The following RGS7 variants were observed in gnomAD, a reference collection of about 807,000 sequenced individuals.
RGS7 encodes the protein regulator of G protein signaling 7.
A neutral mutation model predicts 81.1 loss-of-function variants in RGS7; 27 were observed. The ratio of observed to expected loss-of-function variants is 0.33; its 90% CI spans 0.25 to 0.46. The LOEUF (loss-of-function observed/expected upper bound fraction) is 0.46, where lower values mean the gene tolerates loss of function less well. RGS7 is among the 20% of genes least tolerant of loss of function. RGS7 has a pLI of 1.00. For synonymous variants in RGS7, 208 were observed against 207.7 expected, an observed-to-expected ratio of 1.00 and a Z score of -0.01; for missense variants, 396 against 607.4, an observed-to-expected ratio of 0.65 and a Z score of 3.66.
Position 241,071,874 on chromosome 1 carries a change from C to CAAAAAAAAAAAAAAAAA in RGS7, c.175+26775_175+26791dup, listed in dbSNP as rs58217460. Reference sequence around the variant, plus strand: ...GACAGATGACAGAGTGAGACCCTGTCAAAAAAAAAAAAAAAAAAAAACAAG... The same window carrying CAAAAAAAAAAAAAAAAA: ...GACAGATGACAGAGTGAGACCCTGTCAAAAAAAAAAAAAAAAAAAAAAAAAAAAAAAAAAAAAACAAG... On this transcript the variant is annotated intron_variant, in intron 3 of 18. Transcript: ENST00000440928. Among the ~76,000 whole-genome samples the CAAAAAAAAAAAAAAAAA allele has an allele frequency of 3.3e-3, 189 of 56,810 alleles. 5 individuals are homozygous for CAAAAAAAAAAAAAAAAA. Among genetic ancestry groups the CAAAAAAAAAAAAAAAAA allele is most frequent in the African/African-American group, 5.2e-3 (60 of 11,520 alleles). 37.3% of individuals were successfully genotyped at this position (56,810 alleles called of 152,430 possible).
intron 4 of RGS7, among the ~76,000 whole-genome samples, chr1:240,951,472 T>C (rs1679546905): frequency 6.6e-6 from 1 of 152,096 alleles, no homozygotes; most frequent in African/African-American, 2.4e-5. Context: ...AAATGAAATG[T>C]TAGAAATAAT....
At chr1:240,922,648 C>T (rs423715) in intron 6 of RGS7, among the ~76,000 whole-genome samples, 84,680 of 151,856 alleles carry the variant, frequency 0.56, 23,825 homozygotes, top group Middle Eastern at 0.67. Context: ...TATTAGAGAA[C>T]TGTAAATTTA....
chr1:241,220,446 G>A (rs960625943), intron 2 of RGS7, among the ~76,000 whole-genome samples: 3 of 152,184 alleles, frequency 2.0e-5, no homozygotes, highest in Non-Finnish European at 2.9e-5. Context: ...TAATTCTAAT[G>A]TAGAGCCAGC....
chr1:241,308,399 G>A (rs986192718), intron 2 of RGS7, among the ~76,000 whole-genome samples: 1 of 152,192 alleles, frequency 6.6e-6, no homozygotes, highest in Non-Finnish European at 1.5e-5. Flanking sequence ...AGGAAGCATG[G>A]GGGCAATTTT....
At chr1:240,876,768 C>A (rs901258474) in intron 6 of RGS7, among the ~76,000 whole-genome samples, 2 of 152,080 alleles carry the variant, frequency 1.3e-5, no homozygotes, top group African/African-American at 4.8e-5. Flanking sequence ...TAAGACCAGC[C>A]TGGATAACAT....
At chr1:241,356,011 G>C (rs2083539452) in intron 1 of RGS7, among the ~76,000 whole-genome samples, 185 bp from the exon 2 acceptor site, 1 of 152,204 alleles carries the variant, frequency 6.6e-6, no homozygotes, top group Non-Finnish European at 1.5e-5. Flanking sequence ...GGAATTGTAA[G>C]AAATTACAAT....
At chr1:240,884,972 A>G (rs1042943643) in intron 6 of RGS7, among the ~76,000 whole-genome samples, 3 of 152,230 alleles carry the variant, frequency 2.0e-5, no homozygotes, top group African/African-American at 7.2e-5. Context: ...GAGACAACCT[A>G]TAGAATAGGA....
chr1:241,327,016 A>AGGGAGGGAGTGAGGGAGGGAGGG, intron 2 of RGS7, among the ~76,000 whole-genome samples: 6 of 464 alleles, frequency 0.013, no homozygotes, highest in Non-Finnish European at 0.059. Flanking sequence ...GGAAGGAAGG[A>AGGGAGGGAGTGAGGGAGGGAGGG]AGGAAGGAAG....
intron 2 of RGS7, among the ~76,000 whole-genome samples, chr1:241,234,464 T>A (rs969251924): frequency 1.3e-5 from 2 of 151,972 alleles, no homozygotes; most frequent in Non-Finnish European, 2.9e-5. Context: ...ATGCATATCT[T>A]GTTTTTCTTT....
At chr1:241,130,775 A>C (rs1008946480) in intron 2 of RGS7, among the ~76,000 whole-genome samples, 12 of 148,076 alleles carry the variant, frequency 8.1e-5, no homozygotes, top group African/African-American at 3.2e-4. Flanking sequence ...ACCTCTAAGG[A>C]TTGGATTTGG....
At chr1:241,117,403 T>A (rs1221621554) in intron 2 of RGS7, among the ~76,000 whole-genome samples, 1 of 152,194 alleles carries the variant, frequency 6.6e-6, no homozygotes, top group Non-Finnish European at 1.5e-5. Flanking sequence ...AAACGTTTAG[T>A]GATTCTAAAT....
intron 3 of RGS7, among the ~76,000 whole-genome samples, chr1:241,080,260 T>C (rs192683498): frequency 1.3e-5 from 2 of 151,760 alleles, no homozygotes; most frequent in Middle Eastern, 3.4e-3. Flanking sequence ...CCATTTGATA[T>C]GTATAGTCAT....
intron 9 of RGS7, among the ~76,000 whole-genome samples, chr1:240,838,722 T>G (rs553055398): frequency 6.6e-6 from 1 of 152,132 alleles, no homozygotes; most frequent in Non-Finnish European, 1.5e-5. Flanking sequence ...GAGTCTTTCT[T>G]GATGATTTGA....
At chr1:241,296,220 AGAGAAGATAG>A (rs1028895036) in intron 2 of RGS7, among the ~76,000 whole-genome samples, 30 of 152,222 alleles carry the variant, frequency 2.0e-4, no homozygotes, top group African/African-American at 6.3e-4. Context: ...TAAGACAGAA[AGAGAAGATAG>A]GAGAAGATAC....
chr1:240,831,348 C>A (rs1344734558), intron 9 of RGS7, among the ~76,000 whole-genome samples: 1 of 152,126 alleles, frequency 6.6e-6, no homozygotes, highest in Non-Finnish European at 1.5e-5. Context: ...GTGCTGATAA[C>A]CCCTGAATAA....
At chr1:240,787,288 C>T (rs145764384) in intron 18 of RGS7, among the ~76,000 whole-genome samples, 37 of 152,208 alleles carry the variant, frequency 2.4e-4, no homozygotes, top group African/African-American at 8.4e-4. Context: ...GTTGCTCTTA[C>T]GACATTATAT....
At chr1:240,958,670 T>C (rs941728070) in intron 4 of RGS7, among the ~76,000 whole-genome samples, 1 of 152,216 alleles carries the variant, frequency 6.6e-6, no homozygotes, top group African/African-American at 2.4e-5. Flanking sequence ...CCAGTCAAAC[T>C]GGATCACTTA....
rs756573663 is a variant in RGS7 at position 241,098,730 on chromosome 1, T to C, written c.111A>G (p.Glu37=). Residue 37 remains glutamate (E), a synonymous_variant, in exon 3 of 19, where the codon GAA becomes GAG. Coordinates refer to ENST00000440928, the MANE Select transcript of RGS7 (RefSeq NM_001364886.1). ...CCGTACGAATAGGAATTCCATTTTT[T>C]TCATCTTGCATCCGTGCTATGACGT... The part of the protein sequence containing the change: ...MEDVIARMQD[E]KNGIPIRTVK... 1.9e-6 allele frequency: 3 copies of C among 1,613,330 alleles called. No individual in the cohort carries two copies. In the African/African-American group the frequency reaches 4.0e-5, roughly 22 times the overall value.
intron 2 of RGS7, among the ~76,000 whole-genome samples, chr1:241,260,211 A>G (rs1452988788): frequency 6.6e-6 from 1 of 152,154 alleles, no homozygotes; most frequent in Non-Finnish European, 1.5e-5. Context: ...CAATTGTCCT[A>G]TCAATTACTT....
Sources: allele counts gnomAD v4.1 joint callset (sites outside exome capture counted in the v4.1 genomes callset), GRCh38; gene constraint gnomAD v4.1.1; transcripts MANE v1.5; gene names NCBI Gene and HGNC (gene_info 2026-07-23, HGNC 2026-07-21).